The following LRP2 variants were observed in gnomAD, a reference collection of about 807,000 sequenced individuals.
The protein encoded by LRP2 is LDL receptor related protein 2.
In LRP2, 172 loss-of-function variants were observed where a neutral mutation model predicts 531.0. That is an observed-to-expected ratio of 0.32 (90% CI 0.29 to 0.37). The LOEUF (loss-of-function observed/expected upper bound fraction) is 0.37, where lower values mean the gene tolerates loss of function less well. LRP2 is among the 10% of genes least tolerant of loss of function. The pLI, the probability that LRP2 is intolerant of heterozygous loss-of-function variation, is 1.00. For missense variants in LRP2, 5,167 were observed against 5,868.3 expected (o/e 0.88, Z 3.90); for synonymous variants, 1,992 against 2,027.6 (o/e 0.98, Z 0.47).
intron 57 of LRP2, among the ~76,000 whole-genome samples, 163 bp downstream of exon 57, chr2:169,172,933 C>G (rs1687056767): frequency 6.6e-6 from 1 of 152,210 alleles, no homozygotes; most frequent in African/African-American, 2.4e-5. Flanking sequence ...CTGCAAAATG[C>G]TACAAAAATG....
chr2:169,311,935 A>G (rs954389527), intron 3 of LRP2, among the ~76,000 whole-genome samples: 1 of 152,008 alleles, frequency 6.6e-6, no homozygotes, highest in Non-Finnish European at 1.5e-5. Context: ...TGTTGACTGG[A>G]TCCCTTTACC....
At position 169,177,834 on chromosome 2, in the gene LRP2, G is replaced by A. The variant is rs749734693; in HGVS notation, c.10362C>T (p.Ile3454=). The A allele has an allele frequency of 1.9e-6, 3 of 1,614,194 alleles. No individual in the cohort carries two copies. Among genetic ancestry groups the A allele is most frequent in the African/African-American group, 1.3e-5 (1 of 75,042 alleles). ...GCTGCCTATATGGATGGTACACATG[G>A]ATGTCAAATGGTCTGTGTGTTGTGT... The part of the protein sequence containing the change: ...LVNTTHRPFD[I]HVYHPYRQPI... The change falls in exon 53 of 79, where the codon ATC becomes ATT. Residue 3454 remains isoleucine, a synonymous_variant. Coordinates refer to ENST00000649046, the MANE Select transcript of LRP2 (RefSeq NM_004525.3).
At chr2:169,259,690 A>C (rs1399378940) in intron 16 of LRP2, among the ~76,000 whole-genome samples, 1 of 151,980 alleles carries the variant, frequency 6.6e-6, no homozygotes, top group Non-Finnish European at 1.5e-5. Flanking sequence ...CAAGTTTTGA[A>C]AACACCAGCA....
chr2:169,311,649 T>A (rs930297594), intron 3 of LRP2, among the ~76,000 whole-genome samples: 2 of 152,174 alleles, frequency 1.3e-5, no homozygotes, highest in African/African-American at 4.8e-5. Context: ...ATAAGTGCAA[T>A]GTGGTGCTGA....
chr2:169,177,322 C>T (rs576744007), intron 53 of LRP2, among the ~76,000 whole-genome samples: 1 of 152,038 alleles, frequency 6.6e-6, no homozygotes, highest in Non-Finnish European at 1.5e-5. Flanking sequence ...AAAACAAGTT[C>T]TCTTACTTAA....
intron 16 of LRP2, among the ~76,000 whole-genome samples, chr2:169,267,131 C>A (rs538580587): frequency 2.6e-5 from 4 of 151,844 alleles, no homozygotes; most frequent in Admixed American, 2.6e-4. Context: ...CTCAAGCAAT[C>A]CTCCCGTCTC....
chr2:169,173,813 T>A, intron 56 of LRP2, 106 bp downstream of exon 56: 1 of 1,490,180 alleles, frequency 6.7e-7, no homozygotes. Flanking sequence ...AGGGGGAGCA[T>A]CCCATCAGCT....
At chr2:169,273,206 T>C in intron 14 of LRP2, 139 bp from the exon 15 acceptor site, 1 of 938,310 alleles carries the variant, frequency 1.1e-6, no homozygotes, top group Non-Finnish European at 1.7e-6. Context: ...TTACTACTGG[T>C]TACTACTGGA....
chr2:169,314,907 G>T (rs1027855442), intron 3 of LRP2, among the ~76,000 whole-genome samples: 1 of 151,988 alleles, frequency 6.6e-6, no homozygotes, highest in Non-Finnish European at 1.5e-5. Context: ...TAAAATTAAA[G>T]AACTTTCTTT....
At position 169,356,106 on chromosome 2, in the gene LRP2, G is replaced by A. The variant is rs146045984; in HGVS notation, c.79+6215C>T. On this transcript the variant is annotated intron_variant, in intron 1 of 78. Transcript: ENST00000649046. ...GGAGTCTCACTATGTTGCCCAGGCT[G>A]GTCTCAAACTCCTAGGCTCAAGCAA... is the stretch of plus-strand genomic sequence containing the variant. Among the ~76,000 whole-genome samples, 187 of 152,154 alleles carry A rather than the reference G, an allele frequency of 1.2e-3. 1 individual carries two copies. Among genetic ancestry groups the A allele is most frequent in the African/African-American group, 4.2e-3 (176 of 41,510 alleles).
At chr2:169,332,025 A>C (rs1288758494) in intron 1 of LRP2, among the ~76,000 whole-genome samples, 2 of 152,238 alleles carry the variant, frequency 1.3e-5, no homozygotes, top group African/African-American at 4.8e-5. Flanking sequence ...TTTCCTGATT[A>C]ATTAGGTCCA....
At chr2:169,285,979 C>A (rs1683846527) in intron 9 of LRP2, among the ~76,000 whole-genome samples, 1 of 152,232 alleles carries the variant, frequency 6.6e-6, no homozygotes, top group African/African-American at 2.4e-5. Context: ...GGGTTATAGC[C>A]ATACAGAGAG....
intron 3 of LRP2, among the ~76,000 whole-genome samples, chr2:169,317,572 T>C (rs1684797648): frequency 6.6e-6 from 1 of 152,254 alleles, no homozygotes. Flanking sequence ...ATAGTTAGGC[T>C]TCTTATTATG....
chr2:169,277,738 T>C lies in LRP2; in HGVS notation c.1772+7A>G, dbSNP rs756694258. 1 of 1,613,418 alleles carries C rather than the reference T, an allele frequency of 6.2e-7. No homozygotes were observed. Among genetic ancestry groups the C allele is most frequent in the Non-Finnish European group, 8.5e-7 (1 of 1,179,358 alleles). On this transcript the variant is annotated splice_region_variant and intron_variant, in intron 13 of 78. Coordinates refer to ENST00000649046, the MANE Select transcript of LRP2 (RefSeq NM_004525.3). ...TAAAGCCATAAGCCATAAAAAATAC[T>C]TCTTACCTTTGAATTCCATCATAAG... is the stretch of plus-strand genomic sequence containing the variant.
rs537120899 is a variant in LRP2 at position 169,209,633 on chromosome 2, C to G, written c.6289G>C (p.Ala2097Pro). Reference sequence around the variant, plus strand: ...GACACATCCACATCCACATGCAGTGCGTTTCGTCCTGGAAGTTAAGAAAAG... The same window carrying G: ...GACACATCCACATCCACATGCAGTGGGTTTCGTCCTGGAAGTTAAGAAAAG... ...MVPVAGQGRNALHVDVDVSSG... is the reference protein window; with the variant it reads ...MVPVAGQGRNPLHVDVDVSSG... The change falls in exon 38 of 79, where the codon GCA (alanine) becomes CCA (proline). Residue 2097 changes from alanine to proline, a missense_variant. Physicochemically the swap from Ala to Pro is conservative, Grantham distance 27 (BLOSUM62 -1). Coordinates refer to ENST00000649046, the MANE Select transcript of LRP2 (RefSeq NM_004525.3). 1 of 1,613,956 alleles carries G rather than the reference C, an allele frequency of 6.2e-7. No homozygotes were observed. Among genetic ancestry groups the G allele is most frequent in the Non-Finnish European group, 8.5e-7 (1 of 1,179,926 alleles).
chr2:169,333,277 G>C (rs868396791), intron 1 of LRP2, among the ~76,000 whole-genome samples: 2 of 151,978 alleles, frequency 1.3e-5, no homozygotes, highest in African/African-American at 4.8e-5. Flanking sequence ...CTCCTGCCAC[G>C]ACCTGGATAT....
At chr2:169,279,097 G>T (rs924693158) in intron 12 of LRP2, among the ~76,000 whole-genome samples, 1 of 152,072 alleles carries the variant, frequency 6.6e-6, no homozygotes, top group Non-Finnish European at 1.5e-5. Context: ...GGAAAACGTG[G>T]CAAACACTAA....
At position 169,289,104 on chromosome 2, in the gene LRP2, G is replaced by A. The variant is rs376263739; in HGVS notation, c.964C>T (p.His322Tyr). 28 of 1,614,026 alleles carry A rather than the reference G, an allele frequency of 1.7e-5. No individual in the cohort carries two copies. In the African/African-American group the frequency reaches 3.6e-4, roughly 21 times the overall value. ...CACGCTCCTCCATACGGCGTCTCAT[G>A]GCACTGGTACTGGCAGTTCAAGGCA... ...CSALNCQYQC[H>Y]ETPYGGACFC... is the part of the protein sequence containing the mutation. The change falls in exon 9 of 79, where the codon CAT becomes TAT. Residue 322 changes from histidine (H) to tyrosine (Y), a missense_variant. By Grantham distance (83) the His-to-Tyr change is moderately conservative. Coordinates refer to ENST00000649046, the MANE Select transcript of LRP2 (RefSeq NM_004525.3).
chr2:169,328,392 C>A (rs1267739955), intron 1 of LRP2, among the ~76,000 whole-genome samples: 1 of 143,030 alleles, frequency 7.0e-6, no homozygotes, highest in Non-Finnish European at 1.5e-5. Context: ...GCCCAGCCAC[C>A]ACCTCGTCTG....
Sources: allele counts gnomAD v4.1 joint callset (sites outside exome capture counted in the v4.1 genomes callset), GRCh38; gene constraint gnomAD v4.1.1; transcripts MANE v1.5; gene names NCBI Gene and HGNC (gene_info 2026-07-23, HGNC 2026-07-21).